The following KPNA6 variants were observed in gnomAD, a reference collection of about 807,000 sequenced individuals.
KPNA6 encodes importin subunit alpha-7.
A neutral mutation model predicts 72.0 loss-of-function variants in KPNA6; 9 were observed. The observed-to-expected ratio is 0.13, with a 90% CI of 0.08 to 0.22. KPNA6 has a LOEUF of 0.22. Among genes scored for constraint, KPNA6 ranks in the 10% least tolerant of loss-of-function variants. The pLI, the probability that KPNA6 is intolerant of heterozygous loss-of-function variation, is 1.00. For missense variants in KPNA6, 374 were observed against 655.7 expected, an observed-to-expected ratio of 0.57 and a Z score of 4.69; for synonymous variants, 219 against 242.1, an observed-to-expected ratio of 0.90 and a Z score of 0.89.
Position 32,162,471 on chromosome 1 carries a change from G to T in KPNA6, c.858G>T (p.Lys286Asn). 3 of 1,614,144 alleles carry T rather than the reference G, an allele frequency of 1.9e-6. No homozygotes were observed. The highest frequency in any genetic ancestry group is 2.5e-6 in the Non-Finnish European group (3 of 1,180,032). The change falls in exon 9 of 14, where the codon AAG becomes AAT. Residue 286 changes from lysine (K) to asparagine (N), a missense_variant. Physicochemically the swap from Lys to Asn is moderately conservative, Grantham distance 94. Coordinates refer to ENST00000373625, the MANE Select transcript of KPNA6 (RefSeq NM_012316.5). Reference protein sequence around the residue: ...LSYLSDGPNEKIQAVIDSGVC... With the variant: ...LSYLSDGPNENIQAVIDSGVC... ...ATCTGTCTGATGGCCCCAATGAGAA[G>T]ATCCAGGCAGTCATAGACTCCGGAG...
chr1:32,148,859 CCTA>C (rs1339891006), intron 1 of KPNA6, among the ~76,000 whole-genome samples: 1 of 151,370 alleles, frequency 6.6e-6, no homozygotes, highest in Non-Finnish European at 1.5e-5. Context: ...GCCCGGCCCC[CCTA>C]CTTTTTTTTC....
intron 1 of KPNA6, among the ~76,000 whole-genome samples, chr1:32,112,656 C>T (rs535168445): frequency 1.7e-3 from 260 of 152,150 alleles, no homozygotes; most frequent in Admixed American, 2.9e-3. Flanking sequence ...CCACACCCAG[C>T]TAATTTTTGT....
In KPNA6 at chr1:32,166,289, G is replaced by A. The variant is rs190448638; in HGVS notation, c.1116+59G>A. ...AGTCATAGGAACTTGGGAGGTTGTT[G>A]GAATATTTGCTTTCAGAAGAAAGAA... On this transcript the variant is annotated intron_variant, in intron 11 of 13. Transcript: ENST00000373625. 108 of 1,549,858 alleles carry A rather than the reference G, an allele frequency of 7.0e-5. No homozygotes were observed. In the African/African-American group the frequency reaches 1.4e-3, roughly 20 times the overall value.
chr1:32,149,371 G>A (rs1006438146), intron 1 of KPNA6, among the ~76,000 whole-genome samples: 1 of 152,080 alleles, frequency 6.6e-6, no homozygotes, highest in Non-Finnish European at 1.5e-5. Flanking sequence ...TGGGCTTCCT[G>A]AGGGATGGTT....
intron 2 of KPNA6, among the ~76,000 whole-genome samples, chr1:32,155,703 ATTATTTATTTAT>A (rs150358147): frequency 8.3e-4 from 122 of 146,116 alleles, no homozygotes; most frequent in African/African-American, 2.0e-3. Flanking sequence ...CCTGATTATT[ATTATTTATTTAT>A]TTATTTATTT....
At chr1:32,164,413 A>T (rs991340556) in intron 10 of KPNA6, among the ~76,000 whole-genome samples, 3 of 152,316 alleles carry the variant, frequency 2.0e-5, no homozygotes, top group African/African-American at 7.2e-5. Context: ...TTGCTGGATC[A>T]TGTTCTAATT....
At chr1:32,111,663 A>G (rs1641244693) in intron 1 of KPNA6, among the ~76,000 whole-genome samples, 1 of 152,176 alleles carries the variant, frequency 6.6e-6, no homozygotes, top group African/African-American at 2.4e-5. Flanking sequence ...GGCACTGGAG[A>G]CACTAACACA....
chr1:32,126,441 A>G (rs1219405734), intron 1 of KPNA6, among the ~76,000 whole-genome samples: 1 of 151,918 alleles, frequency 6.6e-6, no homozygotes, highest in Non-Finnish European at 1.5e-5. Context: ...CTGGAGTGCA[A>G]TGGTGCGATC....
intron 1 of KPNA6, among the ~76,000 whole-genome samples, chr1:32,108,432 T>A (rs1044127290): frequency 1.3e-5 from 2 of 152,250 alleles, no homozygotes; most frequent in Admixed American, 6.5e-5. Context: ...GCCTACTCTC[T>A]GTCCTGCGCC....
chr1:32,167,572 T>A, intron 12 of KPNA6, among the ~76,000 whole-genome samples: 1 of 152,118 alleles, frequency 6.6e-6, no homozygotes, highest in Non-Finnish European at 1.5e-5. Context: ...ACATCCATCC[T>A]TTCTCTACCT....
intron 1 of KPNA6, among the ~76,000 whole-genome samples, chr1:32,120,423 T>G (rs1319609788): frequency 6.6e-6 from 1 of 151,030 alleles, no homozygotes; most frequent in Non-Finnish European, 1.5e-5. Context: ...TTTTTTTGTA[T>G]TTTTAGTAGA....
At chr1:32,166,795 G>A (rs1203500595) in intron 11 of KPNA6, among the ~76,000 whole-genome samples, 3 of 151,282 alleles carry the variant, frequency 2.0e-5, no homozygotes, top group Middle Eastern at 3.4e-3. Context: ...AAAATTAGCC[G>A]GGCGTGGTGG....
chr1:32,155,703 A>AT (rs1006186972), intron 2 of KPNA6, among the ~76,000 whole-genome samples: 145 of 146,114 alleles, frequency 9.9e-4, no homozygotes, highest in South Asian at 4.8e-3. Flanking sequence ...CCTGATTATT[A>AT]TTATTTATTT....
Position 32,175,910 on chromosome 1 carries a change from C to G in KPNA6, c.*5016C>G, listed in dbSNP as rs1277372976. 6.6e-6 allele frequency: 1 copy of G among 151,494 alleles called. No individual in the cohort carries two copies. Among genetic ancestry groups the G allele is most frequent in the Admixed American group, 6.6e-5 (1 of 15,206 alleles). 9.4% of individuals were successfully genotyped at this position (151,494 alleles called of 1,614,324 possible). ...GTTAGGGGTTCAAAACCAGCCTGAC[C>G]AACATAGTAAAACCCCGTCCCTACA... On this transcript the variant is annotated 3_prime_UTR_variant, in exon 14 of 14. Coordinates refer to ENST00000373625, the MANE Select transcript of KPNA6 (RefSeq NM_012316.5).
chr1:32,135,020 C>T (rs925912141), intron 1 of KPNA6, among the ~76,000 whole-genome samples: 5 of 150,930 alleles, frequency 3.3e-5, no homozygotes, highest in African/African-American at 1.2e-4. Context: ...ATTTTCCTGC[C>T]TCAGCCTCCT....
chr1:32,128,543 C>T (rs1305550745), intron 1 of KPNA6, among the ~76,000 whole-genome samples: 2 of 150,640 alleles, frequency 1.3e-5, no homozygotes, highest in Non-Finnish European at 3.0e-5. Flanking sequence ...GCTAAACCAC[C>T]TAGTTTATAA....
chr1:32,126,361 A>G (rs1641536357), intron 1 of KPNA6, among the ~76,000 whole-genome samples: 1 of 128,114 alleles, frequency 7.8e-6, no homozygotes, highest in Non-Finnish European at 1.6e-5. Flanking sequence ...GGTGTTAGGT[A>G]TAGATTGCAG....
chr1:32,166,006 AAACAAAAAC>A lies in KPNA6; in HGVS notation c.991-93_991-85del, dbSNP rs1642328575. 4.5e-6 allele frequency: 6 copies of A among 1,326,088 alleles called. No homozygotes were observed. The East Asian group carries it at 1.5e-4, about 33-fold the overall frequency. The allele number at this position is 1,326,088 out of a possible 1,614,324, so 82.1% of individuals were successfully genotyped here. On this transcript the variant is annotated intron_variant, in intron 10 of 13. Coordinates refer to ENST00000373625, the MANE Select transcript of KPNA6 (RefSeq NM_012316.5). Reference sequence around the variant, plus strand: ...GAGCGAGACTCTGTCTCAAAAAAAAAAACAAAAACAACAACAACAACAACAACAACAAAA... The same window carrying A: ...GAGCGAGACTCTGTCTCAAAAAAAAAAACAACAACAACAACAACAACAAAA...
At chr1:32,160,983 C>T (rs991543156) in intron 7 of KPNA6, among the ~76,000 whole-genome samples, 2 of 152,170 alleles carry the variant, frequency 1.3e-5, no homozygotes, top group East Asian at 3.9e-4. Context: ...TGGTGAAACC[C>T]CAACTCTACA....
Sources: gnomAD v4.1 joint callset for allele counts (sites outside exome capture counted in the v4.1 genomes callset) on GRCh38, gnomAD v4.1.1 for gene constraint, MANE v1.5 for transcripts, NCBI Gene and HGNC (gene_info 2026-07-23, HGNC 2026-07-21) for gene names.